Variants in CCDC7 observed in about 807,000 individuals in gnomAD.
The protein encoded by CCDC7 is coiled-coil domain containing 7.
A neutral mutation model predicts 196.9 loss-of-function variants in CCDC7; 183 were observed. The ratio of observed to expected loss-of-function variants is 0.93; its 90% CI spans 0.82 to 1.05. The LOEUF is 1.05. CCDC7 is among the 50% of genes least tolerant of loss of function. The pLI, the probability that CCDC7 is intolerant of heterozygous loss-of-function variation, is 0.00. For missense variants in CCDC7, 1,540 were observed against 1,482.2 expected, an observed-to-expected ratio of 1.04 and a Z score of -0.64; for synonymous variants, 525 against 484.6, an observed-to-expected ratio of 1.08 and a Z score of -1.10.
At chr10:32,873,072 T>G (rs1010005533) in intron 41 of CCDC7, among the ~76,000 whole-genome samples, 2 of 152,130 alleles carry the variant, frequency 1.3e-5, no homozygotes, top group Non-Finnish European at 2.9e-5. Flanking sequence ...TTCCTGAATT[T>G]GAATGTTGGC....
At chr10:32,694,907 T>C in exon 24 of CCDC7, 1 of 1,600,136 alleles carries the variant, frequency 6.2e-7, no homozygotes, top group Non-Finnish European at 8.5e-7. Flanking sequence ...GCAAAAATCT[T>C]GTGCTTGAAC....
chr10:32,658,335 A>T (rs2070429513), intron 20 of CCDC7, among the ~76,000 whole-genome samples: 1 of 152,246 alleles, frequency 6.6e-6, no homozygotes, highest in Non-Finnish European at 1.5e-5. Context: ...CATGGCTGGG[A>T]TGGCCTCAGA....
intron 8 of CCDC7, among the ~76,000 whole-genome samples, chr10:32,489,987 A>C (rs1440406659): frequency 2.6e-5 from 4 of 151,932 alleles, no homozygotes; most frequent in African/African-American, 9.7e-5. Context: ...TAATGGTGGC[A>C]GTGGTTATTA....
At chr10:32,529,688 T>C (rs1232122003) in intron 11 of CCDC7, among the ~76,000 whole-genome samples, 10 of 152,348 alleles carry the variant, frequency 6.6e-5, no homozygotes, top group Admixed American at 6.5e-5. Flanking sequence ...GTCAGATGTA[T>C]AGATTGTGAG....
chr10:32,526,297 C>A (rs1373414528), intron 11 of CCDC7, among the ~76,000 whole-genome samples: 2 of 152,134 alleles, frequency 1.3e-5, no homozygotes, highest in Non-Finnish European at 2.9e-5. Flanking sequence ...GCCTGGGACT[C>A]ACCCTTCAGG....
chr10:32,853,298 G>A (rs966367140), intron 40 of CCDC7, among the ~76,000 whole-genome samples: 1 of 152,050 alleles, frequency 6.6e-6, no homozygotes, highest in Non-Finnish European at 1.5e-5. Flanking sequence ...CTTGCTTTAT[G>A]ATTACAGAGG....
At chr10:32,499,523 A>G (rs889011629) in intron 9 of CCDC7, 1 of 151,746 alleles carries the variant, frequency 6.6e-6, no homozygotes, top group African/African-American at 2.4e-5. Flanking sequence ...TTTCCCAACC[A>G]TGGTCATTAT....
At chr10:32,875,326 G>A (rs2094567449) in intron 41 of CCDC7, among the ~76,000 whole-genome samples, 1 of 151,990 alleles carries the variant, frequency 6.6e-6, no homozygotes, top group African/African-American at 2.4e-5. Context: ...TTTAAGGAAG[G>A]GGTCCAGTTT....
intron 9 of CCDC7, among the ~76,000 whole-genome samples, chr10:32,501,901 G>A (rs772296251): frequency 5.9e-5 from 9 of 152,236 alleles, no homozygotes; most frequent in Non-Finnish European, 1.0e-4. Context: ...CTTCGGAGCT[G>A]TCAGGCAGGG....
At chr10:32,634,510 C>T (rs910596730) in intron 19 of CCDC7, 146 bp downstream of exon 20, 34 of 322,132 alleles carry the variant, frequency 1.1e-4, no homozygotes, top group African/African-American at 6.2e-4. Flanking sequence ...GATTCTCCTG[C>T]CCCAGACTCC....
chr10:32,563,636 T>C (rs1438777559), intron 13 of CCDC7, among the ~76,000 whole-genome samples: 2 of 152,140 alleles, frequency 1.3e-5, no homozygotes, highest in African/African-American at 4.8e-5. Flanking sequence ...TTACACCTTA[T>C]ACAAAAATTA....
chr10:32,819,299 G>A (rs576900924), intron 31 of CCDC7, among the ~76,000 whole-genome samples: 4 of 152,150 alleles, frequency 2.6e-5, no homozygotes, highest in African/African-American at 9.7e-5. Flanking sequence ...CCAATAACAG[G>A]CTCTGAAATT....
chr10:32,632,711 A>G (rs1489556171), intron 18 of CCDC7, among the ~76,000 whole-genome samples: 3 of 151,988 alleles, frequency 2.0e-5, no homozygotes, highest in South Asian at 2.1e-4. Flanking sequence ...GTCATTTAGG[A>G]GTGTGTTGTT....
rs56089046 is a variant in CCDC7 at position 32,619,910 on chromosome 10, C to CTTTTTTT, written c.1802-14320_1802-14314dup. ...CACTGCTCCCAGCCCTTCAATGTAC[C>CTTTTTTT]TTTTTTTTTTTTTTTTTTTTTTTTT... On this transcript the variant is annotated intron_variant, in intron 18 of 41. Transcript: ENST00000639629. 7.5e-3 allele frequency among the ~76,000 whole-genome samples: 593 copies of CTTTTTTT among 79,254 alleles called. 33 individuals carry two copies. Among genetic ancestry groups the CTTTTTTT allele is most frequent in the East Asian group, 0.018 (38 of 2,128 alleles). 52.0% of individuals were successfully genotyped at this position (79,254 alleles called of 152,430 possible).
chr10:32,755,565 A>T (rs1331942730), intron 28 of CCDC7, among the ~76,000 whole-genome samples: 1 of 152,146 alleles, frequency 6.6e-6, no homozygotes, highest in Non-Finnish European at 1.5e-5. Context: ...AAACTAACAA[A>T]CAGAAAGGAC....
chr10:32,850,710 C>T (rs1217972028), intron 39 of CCDC7, among the ~76,000 whole-genome samples: 2 of 151,864 alleles, frequency 1.3e-5, no homozygotes, highest in Non-Finnish European at 2.9e-5. Flanking sequence ...TTTTCAGAGG[C>T]AGCTTCTATG....
chr10:32,754,098 A>G (rs1023836063), intron 28 of CCDC7, among the ~76,000 whole-genome samples: 1 of 152,182 alleles, frequency 6.6e-6, no homozygotes, highest in Non-Finnish European at 1.5e-5. Flanking sequence ...AATGTAATAA[A>G]AAAGAAAACC....
chr10:32,486,531 C>T (rs2134299492), intron 8 of CCDC7, among the ~76,000 whole-genome samples: 1 of 109,254 alleles, frequency 9.2e-6, no homozygotes, highest in Non-Finnish European at 1.9e-5. Context: ...TGAATTTGAT[C>T]ATGTCATTAT....
At chr10:32,663,260 C>T (rs2071895473) in intron 20 of CCDC7, among the ~76,000 whole-genome samples, 1 of 152,072 alleles carries the variant, frequency 6.6e-6, no homozygotes, top group Non-Finnish European at 1.5e-5. Flanking sequence ...CATGAGGACT[C>T]TACATACTTT....
Sources: gnomAD v4.1 joint callset for allele counts (sites outside exome capture counted in the v4.1 genomes callset) on GRCh38, gnomAD v4.1.1 for gene constraint, MANE v1.5 for transcripts, NCBI Gene and HGNC (gene_info 2026-07-23, HGNC 2026-07-21) for gene names.